The following SHROOM3 variants were observed in gnomAD, a reference collection of about 807,000 sequenced individuals.
SHROOM3 encodes the protein shroom family member 3, also known as protein Shroom3.
In SHROOM3, 47 loss-of-function variants were observed where a neutral mutation model predicts 138.6. That is an observed-to-expected ratio of 0.34 (90% CI 0.27 to 0.43). The LOEUF is 0.43. Ranked by LOEUF, SHROOM3 falls within the 20% of genes least tolerant of loss-of-function variation. The probability of loss-of-function intolerance (pLI) is 1.00; values close to 1 mark genes in which losing one functional copy is unlikely to be tolerated. For synonymous variants in SHROOM3, 1,062 were observed against 1,063.3 expected (o/e 1.00, Z 0.02); for missense variants, 2,491 against 2,596.5 (o/e 0.96, Z 0.88).
At chr4:76,634,917 C>A (rs962023012) in intron 2 of SHROOM3, among the ~76,000 whole-genome samples, 1 of 152,124 alleles carries the variant, frequency 6.6e-6, no homozygotes, top group Non-Finnish European at 1.5e-5. Context: ...TGTGACAATT[C>A]CACACCCTTT....
intron 2 of SHROOM3, among the ~76,000 whole-genome samples, chr4:76,561,706 A>AAAAG (rs1022351155): frequency 1.3e-5 from 2 of 150,964 alleles, no homozygotes; most frequent in Admixed American, 6.6e-5. Flanking sequence ...AAAAAAAAAA[A>AAAAG]AGAGAGAGAG....
At chr4:76,467,088 G>A (rs1731264980) in intron 1 of SHROOM3, among the ~76,000 whole-genome samples, 1 of 150,444 alleles carries the variant, frequency 6.6e-6, no homozygotes, top group Non-Finnish European at 1.5e-5. Context: ...TGTCACCCAG[G>A]CCGGAGTGTG....
At chr4:76,455,977 C>A (rs1006316166) in intron 1 of SHROOM3, among the ~76,000 whole-genome samples, 1 of 152,072 alleles carries the variant, frequency 6.6e-6, no homozygotes, top group East Asian at 1.9e-4. Flanking sequence ...TGCATATAAT[C>A]TACACATATC....
At chr4:76,530,771 C>T (rs1394740059) in intron 1 of SHROOM3, among the ~76,000 whole-genome samples, 3 of 152,124 alleles carry the variant, frequency 2.0e-5, no homozygotes, top group Non-Finnish European at 4.4e-5. Context: ...GCAGAGAGGA[C>T]CAGATTGACA....
intron 4 of SHROOM3, 73 bp from the exon 5 acceptor site, chr4:76,738,688 G>C: frequency 6.5e-7 from 1 of 1,547,870 alleles, no homozygotes; most frequent in Non-Finnish European, 8.9e-7. Flanking sequence ...ACATTTATAA[G>C]CTGGGTCCTC....
intron 2 of SHROOM3, among the ~76,000 whole-genome samples, chr4:76,704,822 G>A (rs547278017): frequency 2.0e-5 from 3 of 152,192 alleles, no homozygotes; most frequent in Non-Finnish European, 2.9e-5. Flanking sequence ...CAGTGAGGAA[G>A]CATTCCCTCC....
At chr4:76,499,333 A>G (rs1732040488) in intron 1 of SHROOM3, among the ~76,000 whole-genome samples, 1 of 152,236 alleles carries the variant, frequency 6.6e-6, no homozygotes, top group Non-Finnish European at 1.5e-5. Context: ...ATCACATGAT[A>G]TAAAATATAA....
intron 1 of SHROOM3, among the ~76,000 whole-genome samples, chr4:76,448,285 C>T (rs1467940303): frequency 6.6e-6 from 1 of 152,156 alleles, no homozygotes; most frequent in Non-Finnish European, 1.5e-5. Flanking sequence ...TAAAATCTGA[C>T]AGCACTGGGA....
chr4:76,512,960 G>C (rs1217547656), intron 1 of SHROOM3, among the ~76,000 whole-genome samples: 1 of 152,194 alleles, frequency 6.6e-6, no homozygotes. Flanking sequence ...ACTGTGGAGT[G>C]CACCCACATC....
chr4:76,564,004 G>A (rs1057042580), intron 2 of SHROOM3, among the ~76,000 whole-genome samples: 22 of 152,222 alleles, frequency 1.4e-4, no homozygotes, highest in African/African-American at 5.3e-4. Context: ...ATGGCAGGCA[G>A]TACCACTCTA....
rs1721740237 is a variant in SHROOM3 at position 76,754,572 on chromosome 4, C to T, written c.4089C>T (p.Pro1363=). ...GCACCCCTCTGCCTTCAGCCATTCCCTCTGGCTACTGCTCACAGGACGGTC... is the reference window on the plus strand; with the variant it reads ...GCACCCCTCTGCCTTCAGCCATTCCTTCTGGCTACTGCTCACAGGACGGTC... ...PIGTPLPSAI[P]SGYCSQDGQT... Residue 1363 remains proline (P), a synonymous_variant, in exon 7 of 11, where the codon CCC becomes CCT. Transcript: ENST00000296043. 1 of 1,614,010 alleles carries T rather than the reference C, an allele frequency of 6.2e-7. No individual in the cohort carries two copies.
At chr4:76,773,373 GAAAAAAA>G (rs574066208) in intron 10 of SHROOM3, among the ~76,000 whole-genome samples, 1 of 80,690 alleles carries the variant, frequency 1.2e-5, no homozygotes, top group Non-Finnish European at 2.6e-5. Context: ...GACTGTCTCA[GAAAAAAA>G]AAAAAAAAAA....
At chr4:76,770,501 T>G in intron 9 of SHROOM3, 125 bp from the exon 10 acceptor site, 1 of 1,079,564 alleles carries the variant, frequency 9.3e-7, no homozygotes, top group Non-Finnish European at 1.3e-6. Flanking sequence ...GGACACTCCA[T>G]ATAGAGAAGG....
At position 76,754,761 on chromosome 4, in the gene SHROOM3, ACCT is replaced by A. The variant is rs765711084; in HGVS notation, c.4282_4284del (p.Pro1428del). 8.1e-6 allele frequency: 13 copies of A among 1,613,936 alleles called. No individual in the cohort carries two copies. The highest frequency in any genetic ancestry group is 1.7e-5 in the Admixed American group (1 of 59,996). On this transcript the variant is annotated inframe_deletion, in exon 7 of 11. Transcript: ENST00000296043. The stretch of plus-strand genomic sequence containing the variant: ...AGAGGGTCTCGCTGCCTCAGTGGCC[ACCT>A]CCTTCTCGAGCAAAGTGGGCCCACG...
chr4:76,758,997 C>T (rs182622378), intron 8 of SHROOM3, among the ~76,000 whole-genome samples: 5 of 152,154 alleles, frequency 3.3e-5, no homozygotes, highest in African/African-American at 2.4e-5. Flanking sequence ...TAGTTCACTG[C>T]GGACCAGCAA....
intron 6 of SHROOM3, among the ~76,000 whole-genome samples, chr4:76,751,745 A>G (rs189505099): frequency 6.6e-6 from 1 of 152,356 alleles, no homozygotes; most frequent in East Asian, 1.9e-4. Flanking sequence ...CAGAGAACTC[A>G]AAACCACAAT....
intron 1 of SHROOM3, among the ~76,000 whole-genome samples, chr4:76,444,495 T>C (rs1162611598): frequency 7.7e-6 from 1 of 129,558 alleles, no homozygotes; most frequent in African/African-American, 2.9e-5. Flanking sequence ...TTTTTTTTTT[T>C]TTTTTTTTTT....
At chr4:76,661,452 G>A (rs1166391577) in intron 2 of SHROOM3, among the ~76,000 whole-genome samples, 1 of 151,876 alleles carries the variant, frequency 6.6e-6, no homozygotes, top group East Asian at 1.9e-4. Flanking sequence ...GGATGGTCTC[G>A]ATCTCCTGAC....
At chr4:76,459,971 G>A (rs566322071) in intron 1 of SHROOM3, among the ~76,000 whole-genome samples, 1 of 152,174 alleles carries the variant, frequency 6.6e-6, no homozygotes, top group African/African-American at 2.4e-5. Flanking sequence ...GTTCTTGTGA[G>A]GATCAAACAG....
Sources: gnomAD v4.1 joint callset for allele counts (sites outside exome capture counted in the v4.1 genomes callset) on GRCh38, gnomAD v4.1.1 for gene constraint, MANE v1.5 for transcripts, NCBI Gene and HGNC (gene_info 2026-07-23, HGNC 2026-07-21) for gene names.